The following LAMC3 variants were observed in gnomAD, a reference collection of about 807,000 sequenced individuals.
The protein encoded by LAMC3 is laminin subunit gamma-3.
LAMC3 carries 128 observed loss-of-function variants against 173.8 expected under a neutral mutation model. That is an observed-to-expected ratio of 0.74 (90% CI 0.64 to 0.85). The LOEUF is 0.85. LAMC3 is among the 40% of genes least tolerant of loss of function. LAMC3 has a pLI of 0.00. For missense variants in LAMC3, 2,022 were observed against 2,156.0 expected, an observed-to-expected ratio of 0.94 and a Z score of 1.23; for synonymous variants, 897 against 909.1, an observed-to-expected ratio of 0.99 and a Z score of 0.24.
At chr9:131,030,862 C>T (rs1010462681) in intron 2 of LAMC3, among the ~76,000 whole-genome samples, 5 of 152,228 alleles carry the variant, frequency 3.3e-5, no homozygotes, top group African/African-American at 7.2e-5. Flanking sequence ...TTGTGAGAAA[C>T]GCAAGCTCCC....
rs571852147 is a variant in LAMC3, at chr9:131,049,795, A to G, written c.1630+665A>G. ...GCCACTGCACCCTAAGCCCAGGGCC[A>G]TGGCATTCTTGCAAAAGGAAGGAGG... On this transcript the variant is annotated intron_variant, in intron 9 of 27. Coordinates refer to ENST00000361069, the MANE Select transcript of LAMC3 (RefSeq NM_006059.4). Among the ~76,000 whole-genome samples the G allele has an allele frequency of 8.5e-5, 13 of 152,316 alleles. 1 individual carries two copies. In the East Asian group the frequency reaches 2.5e-3, roughly 29 times the overall value.
At chr9:131,044,079 C>T (rs11244255) in intron 7 of LAMC3, among the ~76,000 whole-genome samples, 29,598 of 151,398 alleles carry the variant, frequency 0.2, 3,552 homozygotes, top group Admixed American at 0.26. Context: ...CTGCCTCAGC[C>T]TCCTAAGTAG....
chr9:131,049,554 C>T (rs1329231351), intron 9 of LAMC3, among the ~76,000 whole-genome samples: 1 of 152,190 alleles, frequency 6.6e-6, no homozygotes, highest in Non-Finnish European at 1.5e-5. Context: ...ACCTTAATGT[C>T]CCCTGCCACA....
At chr9:131,011,612 G>A (rs1833415908) in intron 1 of LAMC3, among the ~76,000 whole-genome samples, 1 of 151,370 alleles carries the variant, frequency 6.6e-6, no homozygotes, top group South Asian at 2.1e-4. Flanking sequence ...CAGCCTATCT[G>A]GATCACTAGG....
intron 4 of LAMC3, 150 bp from the exon 5 acceptor site, chr9:131,038,714 C>T (rs1833987678): frequency 4.8e-6 from 4 of 836,738 alleles, no homozygotes; most frequent in South Asian, 4.0e-5. Flanking sequence ...TAGCCTTGAT[C>T]AAGCTGGGCC....
intron 11 of LAMC3, among the ~76,000 whole-genome samples, chr9:131,054,451 A>T (rs879942955): frequency 6.6e-6 from 1 of 152,156 alleles, no homozygotes; most frequent in East Asian, 1.9e-4. Context: ...TTTTTTTAAA[A>T]ACATAGAAAT....
At chr9:131,072,243 C>T (rs369277908) in intron 18 of LAMC3, among the ~76,000 whole-genome samples, 33 of 152,216 alleles carry the variant, frequency 2.2e-4, no homozygotes, top group African/African-American at 6.7e-4. Flanking sequence ...CAGACAGAGG[C>T]GAGCTGAGAA....
At chr9:131,037,760 T>G (rs933913870) in intron 4 of LAMC3, among the ~76,000 whole-genome samples, 1 of 152,256 alleles carries the variant, frequency 6.6e-6, no homozygotes, top group African/African-American at 2.4e-5. Flanking sequence ...TCCAAAGTGC[T>G]GGGATCACAG....
chr9:131,071,104 A>G (rs931170499), intron 17 of LAMC3, among the ~76,000 whole-genome samples: 1 of 152,194 alleles, frequency 6.6e-6, no homozygotes, highest in South Asian at 2.1e-4. Context: ...AGATGGAGCT[A>G]GGGTATGTTC....
intron 22 of LAMC3, 103 bp from the exon 23 acceptor site, chr9:131,079,046 G>A: frequency 1.4e-6 from 2 of 1,446,840 alleles, no homozygotes; most frequent in Non-Finnish European, 1.9e-6. Flanking sequence ...GCAGCCAGGG[G>A]CAGACCCGCC....
intron 20 of LAMC3, among the ~76,000 whole-genome samples, chr9:131,075,244 G>A (rs1280920514): frequency 1.3e-5 from 2 of 151,928 alleles, no homozygotes; most frequent in Non-Finnish European, 2.9e-5. Context: ...CTCCAACCTG[G>A]ACAACGGTGT....
chr9:131,012,811 C>CTA (rs1833446444), intron 1 of LAMC3, among the ~76,000 whole-genome samples: 1 of 152,180 alleles, frequency 6.6e-6, no homozygotes, highest in African/African-American at 2.4e-5. Context: ...AGCTCTGGCC[C>CTA]GGGGTCTCCT....
chr9:131,062,619 A>G (rs1399438165), intron 13 of LAMC3, among the ~76,000 whole-genome samples: 1 of 152,166 alleles, frequency 6.6e-6, no homozygotes. Flanking sequence ...CTGTAATCTC[A>G]GCACTTTGCG....
At chr9:131,052,192 C>T (rs542444960) in intron 9 of LAMC3, among the ~76,000 whole-genome samples, 16 of 152,140 alleles carry the variant, frequency 1.1e-4, no homozygotes, top group Non-Finnish European at 1.8e-4. Context: ...GTATCCCCTC[C>T]GTTCACCCTC....
At position 131,041,993 on chromosome 9, in the gene LAMC3, G is replaced by A. The variant is rs572117139; in HGVS notation, c.1382+258G>A. Among the ~76,000 whole-genome samples, 81 of 152,252 alleles carry A rather than the reference G, an allele frequency of 5.3e-4. 1 individual carries two copies. Among genetic ancestry groups the A allele is most frequent in the African/African-American group, 1.9e-3 (78 of 41,530 alleles). ...CTGAGAAAATACATGTCTTAGCTTA[G>A]AATCCTGAAAAGAAAGAACTGGAAT... On this transcript the variant is annotated intron_variant, in intron 7 of 27. Transcript: ENST00000361069.
At chr9:131,079,856 A>G (rs539043924) in intron 23 of LAMC3, among the ~76,000 whole-genome samples, 1 of 152,196 alleles carries the variant, frequency 6.6e-6, no homozygotes, top group East Asian at 1.9e-4. Context: ...CACACCCACC[A>G]TCCTGGGATC....
chr9:131,091,722 G>T lies in LAMC3; in HGVS notation c.4663G>T (p.Ala1555Ser). The T allele has an allele frequency of 6.2e-7, 1 of 1,613,004 alleles. No homozygotes were observed. Among genetic ancestry groups the T allele is most frequent in the South Asian group, 1.1e-5 (1 of 90,902 alleles). Residue 1555 changes from alanine to serine, a missense_variant, in exon 28 of 28, where the codon GCC becomes TCC. Ala to Ser is a moderately conservative substitution (Grantham distance 99). Transcript: ENST00000361069. The part of the protein sequence containing the change: ...GFESDLAEIR[A>S]DKQNLEAILH... ...CGAGAGTGACCTCGCCGAGATCCGC[G>T]CCGACAAACAGAACCTGGAGGCCAT...
chr9:131,031,081 G>A (rs1403529188), intron 2 of LAMC3, among the ~76,000 whole-genome samples: 3 of 152,228 alleles, frequency 2.0e-5, no homozygotes, highest in African/African-American at 4.8e-5. Context: ...CTGGGTCCCC[G>A]GCAGTAGCTC....
intron 9 of LAMC3, among the ~76,000 whole-genome samples, chr9:131,050,866 G>A (rs970235855): frequency 6.6e-6 from 1 of 152,216 alleles, no homozygotes; most frequent in African/African-American, 2.4e-5. Context: ...GATGCGGCCG[G>A]TTGTGGAACA....
Sources: gnomAD v4.1 joint callset for allele counts (sites outside exome capture counted in the v4.1 genomes callset) on GRCh38, gnomAD v4.1.1 for gene constraint, MANE v1.5 for transcripts, NCBI Gene and HGNC (gene_info 2026-07-23, HGNC 2026-07-21) for gene names.